The following SMG5 variants were observed in gnomAD, a reference collection of about 807,000 sequenced individuals.
The protein encoded by SMG5 is SMG5 nonsense mediated mRNA decay factor.
Under a neutral mutation model 122.9 loss-of-function variants are expected in SMG5, and 53 were observed. The ratio of observed to expected loss-of-function variants is 0.43; its 90% CI spans 0.35 to 0.54. SMG5 has a LOEUF of 0.54. Among genes scored for constraint, SMG5 ranks in the 20% least tolerant of loss-of-function variants. The pLI, the probability that SMG5 is intolerant of heterozygous loss-of-function variation, is 0.01. For missense variants in SMG5, 1,153 were observed against 1,285.6 expected (o/e 0.90, Z 1.58); for synonymous variants, 477 against 490.2 (o/e 0.97, Z 0.35).
intron 2 of SMG5, among the ~76,000 whole-genome samples, chr1:156,278,689 T>C: frequency 6.6e-6 from 1 of 152,134 alleles, no homozygotes. Context: ...CTTTTTATTT[T>C]ATTTTACTCT....
At chr1:156,280,288 A>C (rs1662880384) in intron 1 of SMG5, among the ~76,000 whole-genome samples, 1 of 152,194 alleles carries the variant, frequency 6.6e-6, no homozygotes, top group South Asian at 2.1e-4. Flanking sequence ...AAGCAACAAA[A>C]ACAGAGTGAA....
chr1:156,250,504 G>T lies in SMG5; in HGVS notation c.*83C>A, dbSNP rs1021198393. The T allele has an allele frequency of 5.9e-5, 70 of 1,194,712 alleles. No homozygotes were observed. In the East Asian group the frequency reaches 1.6e-3, roughly 28 times the overall value. The allele number at this position is 1,194,712 out of a possible 1,614,324, so 74.0% of individuals were successfully genotyped here. ...CGTGCATGAGTCTGCGTGTGGTGGG[G>T]TGACTACAGGTGCTGGTCCTGGCTG... On this transcript the variant is annotated 3_prime_UTR_variant, in exon 22 of 22. Coordinates refer to ENST00000361813, the MANE Select transcript of SMG5 (RefSeq NM_015327.3).
intron 15 of SMG5, 83 bp downstream of exon 15, chr1:156,260,368 C>T: frequency 1.3e-6 from 2 of 1,489,018 alleles, no homozygotes; most frequent in Non-Finnish European, 9.1e-7. Flanking sequence ...GGCATCCTGC[C>T]CCCTCCCTCC....
At chr1:156,274,134 C>A (rs577666483) in intron 5 of SMG5, among the ~76,000 whole-genome samples, 1 of 152,260 alleles carries the variant, frequency 6.6e-6, no homozygotes, top group Non-Finnish European at 1.5e-5. Flanking sequence ...TAATGAGAAA[C>A]CACTGTCTAT....
chr1:156,287,720 G>A (rs1439464580), upstream of SMG5, among the ~76,000 whole-genome samples: 2 of 149,074 alleles, frequency 1.3e-5, no homozygotes, highest in Non-Finnish European at 3.0e-5. Context: ...GGGTTCAAGC[G>A]ATTCTCCTGC....
chr1:156,253,582 G>C, intron 16 of SMG5, 74 bp from the exon 17 acceptor site: 1 of 1,379,144 alleles, frequency 7.3e-7, no homozygotes, highest in Non-Finnish European at 1.0e-6. Context: ...AGACCAAGAG[G>C]GTTTCCTGGG....
At chr1:156,291,029 ACT>A in the SMG5 span, 1 of 244,848 alleles carries the variant, frequency 4.1e-6, no homozygotes. Context: ...AATCCCAGCT[ACT>A]CAGGAGTCTG....
chr1:156,269,974 A>G (rs1662333976), intron 7 of SMG5, among the ~76,000 whole-genome samples: 3 of 152,240 alleles, frequency 2.0e-5, no homozygotes, highest in Admixed American at 2.0e-4. Flanking sequence ...CAGGAGGTGG[A>G]GGTTGCAGTG....
At chr1:156,285,354 G>GAGC (rs1302682316), upstream of SMG5, 12 of 1,575,384 alleles carry the variant, frequency 7.6e-6, no homozygotes, top group Non-Finnish European at 1.0e-5. Context: ...GAATCCCCGG[G>GAGC]AGCTGAGTCC....
At chr1:156,287,768 C>G (rs1011593878), upstream of SMG5, among the ~76,000 whole-genome samples, 2 of 152,028 alleles carry the variant, frequency 1.3e-5, no homozygotes, top group Non-Finnish European at 2.9e-5. Flanking sequence ...AGGCGCCCAC[C>G]ACCAGGCCCA....
Position 156,282,783 on chromosome 1 carries a change from G to T in SMG5, c.-103C>A, listed in dbSNP as rs968795717. Reference sequence around the variant, plus strand: ...CGTAGCCGCAGCCGCCGCCGCCACCGGCCCTGCTCGGCCGCCATCGCTGTG... The same window carrying T: ...CGTAGCCGCAGCCGCCGCCGCCACCTGCCCTGCTCGGCCGCCATCGCTGTG... On this transcript the variant is annotated 5_prime_UTR_variant, in exon 1 of 22. Coordinates refer to ENST00000361813, the MANE Select transcript of SMG5 (RefSeq NM_015327.3). 2.4e-6 allele frequency: 3 copies of T among 1,253,944 alleles called. No homozygotes were observed. The highest frequency in any genetic ancestry group is 2.7e-5 in the Admixed American group (1 of 37,142). 77.7% of individuals were successfully genotyped at this position (1,253,944 alleles called of 1,614,324 possible). A position where few individuals can be genotyped will look rare whatever the true frequency, so the allele number is the denominator to read the frequency against.
chr1:156,286,192 C>A (rs1213299757), upstream of SMG5: 5 of 1,520,502 alleles, frequency 3.3e-6, no homozygotes, highest in Non-Finnish European at 4.5e-6. Context: ...AATCTGCCCC[C>A]AGCTTACTGC....
chr1:156,276,990 C>G, intron 4 of SMG5, 95 bp downstream of exon 4: 1 of 1,285,536 alleles, frequency 7.8e-7, no homozygotes, highest in Non-Finnish European at 1.1e-6. Context: ...ACTCTCTCTG[C>G]CTGGCTGGGT....
chr1:156,285,740 CG>C, upstream of SMG5: 1 of 1,613,108 alleles, frequency 6.2e-7, no homozygotes. Context: ...CCCCACTGAG[CG>C]CAAGTGGGCT....
In SMG5 at chr1:156,282,597, C is replaced by G; in HGVS notation, c.74+10G>C. On this transcript the variant is annotated intron_variant, in intron 1 of 21. Coordinates refer to ENST00000361813, the MANE Select transcript of SMG5 (RefSeq NM_015327.3). ...CTCGGTGGCTGCTCTCACGCCCTGGCCCCTCTCACCGGTAAAGCCGCTTAG... is the reference window on the plus strand; with the variant it reads ...CTCGGTGGCTGCTCTCACGCCCTGGGCCCTCTCACCGGTAAAGCCGCTTAG... 1 of 1,605,866 alleles carries G rather than the reference C, an allele frequency of 6.2e-7. No individual in the cohort carries two copies. The highest frequency in any genetic ancestry group is 2.2e-5 in the East Asian group (1 of 44,808).
rs770659706 is a variant in SMG5, at chr1:156,272,368, G to A, written c.665C>T (p.Ala222Val). ...TTCCACATTATAGTACTTGCTGCCT[G>A]CCAGGGTGCCCAGCTGATTGAAGGG... ...GMPFNQLGTL[A>V]GSKYYNVEAM... is the part of the protein sequence containing the mutation. The change falls in exon 7 of 22, where the codon GCA (alanine) becomes GTA (valine). Residue 222 changes from alanine (A) to valine (V), a missense_variant. By Grantham distance (64) the Ala-to-Val change is moderately conservative. Transcript: ENST00000361813. The A allele has an allele frequency of 2.5e-6, 4 of 1,600,222 alleles. No individual in the cohort carries two copies. The South Asian group carries it at 3.4e-5, about 13-fold the overall frequency.
intron 16 of SMG5, 147 bp from the exon 17 acceptor site, chr1:156,253,655 G>A: frequency 1.4e-6 from 1 of 718,938 alleles, no homozygotes; most frequent in South Asian, 1.5e-5. Flanking sequence ...GGGAGGAGAG[G>A]CATGGAAGAA....
chr1:156,278,993 C>G lies in SMG5; in HGVS notation c.116G>C (p.Cys39Ser), dbSNP rs1318519482. The change falls in exon 2 of 22, where the codon TGC (cysteine) becomes TCC (serine). Residue 39 changes from cysteine (C) to serine (S), a missense_variant. By Grantham distance (112) the Cys-to-Ser change is moderately radical. Around this residue, in one of 5 missense-constraint regions of SMG5, gnomAD observed 213 missense variants for 197.5 expected, o/e 1.08. Transcript: ENST00000361813. ...TACTTCTTGATAAGCAGTTTTGTTG[C>G]AAAGGATGAGGTCAAGTCGATGCAC... ...EAVHRLDLIL[C>S]NKTAYQEVFK... 2 of 1,614,000 alleles carry G rather than the reference C, an allele frequency of 1.2e-6. No homozygotes were observed. The highest frequency in any genetic ancestry group is 1.7e-5 in the Admixed American group (1 of 59,992).
rs1191427872 is a variant in SMG5 at position 156,268,389 on chromosome 1, C to A, written c.740G>T (p.Gly247Val). ...RCIQSEVSFE[G>V]AYGNLKRLYD... Reference sequence around the variant, plus strand: ...CAGCCGCTTGAGGTTCCCATAGGCTCCCTCAAAGGACACTTCTGACTGGAT... The same window carrying A: ...CAGCCGCTTGAGGTTCCCATAGGCTACCTCAAAGGACACTTCTGACTGGAT... The change falls in exon 8 of 22, where the codon GGA (glycine) becomes GTA (valine). Residue 247 changes from glycine to valine, a missense_variant. Coordinates refer to ENST00000361813, the MANE Select transcript of SMG5 (RefSeq NM_015327.3). The A allele has an allele frequency of 6.2e-7, 1 of 1,614,080 alleles. No individual in the cohort carries two copies. The highest frequency in any genetic ancestry group is 1.3e-5 in the African/African-American group (1 of 75,024).
Sources: allele counts gnomAD v4.1 joint callset (sites outside exome capture counted in the v4.1 genomes callset), GRCh38; gene constraint gnomAD v4.1.1; regional missense constraint gnomAD v4.1.1; transcripts MANE v1.5; gene names NCBI Gene and HGNC (gene_info 2026-07-23, HGNC 2026-07-21).